The following RBFOX3 variants were observed in gnomAD, a reference collection of about 807,000 sequenced individuals.
The protein encoded by RBFOX3 is RNA binding protein fox-1 homolog 3.
RBFOX3 carries 17 observed loss-of-function variants against 48.7 expected under a neutral mutation model. The observed-to-expected ratio is 0.35, with a 90% CI of 0.24 to 0.52. The LOEUF is 0.52. Ranked by LOEUF, RBFOX3 falls within the 20% of genes least tolerant of loss-of-function variation. The pLI, the probability that RBFOX3 is intolerant of heterozygous loss-of-function variation, is 0.94. For synonymous variants in RBFOX3, 212 were observed against 209.5 expected (o/e 1.01, Z -0.10); for missense variants, 382 against 497.5 (o/e 0.77, Z 2.21).
intron 4 of RBFOX3, among the ~76,000 whole-genome samples, chr17:79,229,612 G>A (rs374078045): frequency 6.6e-6 from 1 of 151,784 alleles, no homozygotes; most frequent in South Asian, 2.1e-4. Flanking sequence ...GCCAGGAAGG[G>A]TGGAGTCCTC....
chr17:79,489,240 TAAAAAAAAAAA>T (rs71161671), intron 1 of RBFOX3, among the ~76,000 whole-genome samples: 3 of 126,490 alleles, frequency 2.4e-5, no homozygotes, highest in African/African-American at 9.0e-5. Flanking sequence ...GCCAGAAAGT[TAAAAAAAAAAA>T]AAAAAAAAAA....
intron 2 of RBFOX3, among the ~76,000 whole-genome samples, chr17:79,345,355 A>T (rs1463421871): frequency 6.6e-6 from 1 of 152,176 alleles, no homozygotes; most frequent in Non-Finnish European, 1.5e-5. Context: ...TCTTTTGTTT[A>T]TCCTTGTTGG....
At chr17:79,108,616 G>A (rs975060002) in intron 5 of RBFOX3, among the ~76,000 whole-genome samples, 3 of 152,334 alleles carry the variant, frequency 2.0e-5, no homozygotes, top group South Asian at 4.1e-4. Flanking sequence ...TTGGTCCCTC[G>A]ACTCCTGTCT....
chr17:79,182,972 C>G (rs2052457220), intron 4 of RBFOX3, among the ~76,000 whole-genome samples: 2 of 150,062 alleles, frequency 1.3e-5, no homozygotes, highest in Non-Finnish European at 3.0e-5. Context: ...CTCGGGCTTC[C>G]CCGGAGACTC....
intron 2 of RBFOX3, among the ~76,000 whole-genome samples, chr17:79,356,530 A>G (rs942706985): frequency 2.0e-5 from 3 of 151,526 alleles, no homozygotes; most frequent in African/African-American, 7.3e-5. Context: ...CACCATGTCC[A>G]GCTAATTTTT....
intron 4 of RBFOX3, among the ~76,000 whole-genome samples, chr17:79,171,563 C>T (rs900171900): frequency 1.3e-5 from 2 of 152,100 alleles, no homozygotes; most frequent in Non-Finnish European, 2.9e-5. Context: ...TTCCACAGAC[C>T]CCTGCACTAG....
intron 4 of RBFOX3, among the ~76,000 whole-genome samples, chr17:79,166,271 C>T (rs2612757): frequency 0.77 from 116,707 of 152,040 alleles, 48,437 homozygotes; most frequent in Non-Finnish European, 0.92. Flanking sequence ...CGCAGCCTCC[C>T]GTGGGAGGGG....
intron 1 of RBFOX3, among the ~76,000 whole-genome samples, chr17:79,587,722 G>A (rs1200231001): frequency 6.6e-6 from 1 of 152,222 alleles, no homozygotes; most frequent in Non-Finnish European, 1.5e-5. Flanking sequence ...TGTAACCAGG[G>A]AATCACAGGA....
chr17:79,292,397 C>T (rs1305911545), intron 3 of RBFOX3, among the ~76,000 whole-genome samples: 2 of 152,074 alleles, frequency 1.3e-5, no homozygotes, highest in Non-Finnish European at 2.9e-5. Context: ...GGGACCAGTG[C>T]TGTCTCCCCA....
intron 4 of RBFOX3, among the ~76,000 whole-genome samples, chr17:79,133,292 CCATGG>C (rs1275206256): frequency 6.6e-6 from 1 of 152,174 alleles, no homozygotes; most frequent in Non-Finnish European, 1.5e-5. Flanking sequence ...CCTTGTCCAT[CCATGG>C]TCACTACCAG....
Position 79,282,123 on chromosome 17 carries a change from T to C in RBFOX3, c.-74+25601A>G, listed in dbSNP as rs866080812. 3.3e-5 allele frequency among the ~76,000 whole-genome samples: 5 copies of C among 152,340 alleles called. No individual in the cohort carries two copies. The South Asian group carries it at 1.0e-3, about 32-fold the overall frequency. On this transcript the variant is annotated intron_variant, in intron 3 of 14. Transcript: ENST00000693108. ...TGCTGACCAAAGGCCCTGAAGCTTA[T>C]TAAGAATCCAGGCAGTTCTGGAGGG...
chr17:79,663,679 G>C, the RBFOX3 span, among the ~76,000 whole-genome samples: 6 of 152,050 alleles, frequency 3.9e-5, no homozygotes, highest in Non-Finnish European at 7.3e-5. Context: ...GGATGTATTT[G>C]GCCCCCCTGA....
intron 3 of RBFOX3, among the ~76,000 whole-genome samples, chr17:79,244,675 G>A (rs982356123): frequency 6.9e-6 from 1 of 145,816 alleles, no homozygotes; most frequent in Non-Finnish European, 1.5e-5. Flanking sequence ...CACAAACACT[G>A]TCACAGGTGC....
intron 2 of RBFOX3, among the ~76,000 whole-genome samples, chr17:79,331,752 C>T (rs1309743531): frequency 1.3e-5 from 2 of 152,232 alleles, no homozygotes; most frequent in Non-Finnish European, 2.9e-5. Context: ...CCGCTGTTAA[C>T]ACCCCCATCT....
intron 1 of RBFOX3, among the ~76,000 whole-genome samples, chr17:79,555,707 T>C (rs902949151): frequency 6.6e-6 from 1 of 152,264 alleles, no homozygotes; most frequent in Non-Finnish European, 1.5e-5. Context: ...GTGATAGTGG[T>C]GGCAATGGTG....
intron 1 of RBFOX3, among the ~76,000 whole-genome samples, chr17:79,603,495 G>A (rs2093757514): frequency 6.6e-6 from 1 of 152,200 alleles, no homozygotes; most frequent in African/African-American, 2.4e-5. Context: ...TGAGCTGCTG[G>A]GGGCTGCTCC....
intron 2 of RBFOX3, among the ~76,000 whole-genome samples, chr17:79,331,965 A>G (rs2080378537): frequency 6.6e-6 from 1 of 152,202 alleles, no homozygotes; most frequent in Non-Finnish European, 1.5e-5. Context: ...GATGACAGTC[A>G]CTTCCTGCTG....
rs1204222171 is a variant in RBFOX3 at position 79,220,872 on chromosome 17, G to A, written c.-34+14894C>T. ...CCTGGAGCGTGGGCCAATCAGAGAC[G>A]AGGCGCAGAAGTTGAATGTGCATTG... On this transcript the variant is annotated intron_variant, in intron 4 of 14. Transcript: ENST00000693108. This position sits in a 1 kb window ranked among gnomAD's most constrained non-coding sequence, Gnocchi z 5.9. Among the ~76,000 whole-genome samples, 1 of 152,006 alleles carries A rather than the reference G, an allele frequency of 6.6e-6. No individual in the cohort carries two copies. Among genetic ancestry groups the A allele is most frequent in the African/African-American group, 2.4e-5 (1 of 41,386 alleles).
At chr17:79,142,593 C>T (rs1317175318) in intron 4 of RBFOX3, among the ~76,000 whole-genome samples, 1 of 152,054 alleles carries the variant, frequency 6.6e-6, no homozygotes, top group African/African-American at 2.4e-5. Flanking sequence ...GGAGGCCACT[C>T]GTGGGTGTGT....
Sources: allele counts gnomAD v4.1 joint callset (sites outside exome capture counted in the v4.1 genomes callset), GRCh38; gene constraint gnomAD v4.1.1; non-coding constraint Gnocchi (gnomAD v3.1); transcripts MANE v1.5; gene names NCBI Gene and HGNC (gene_info 2026-07-23, HGNC 2026-07-21).